CDH8: variants seen among roughly 807,000 people sequenced by gnomAD.
The protein encoded by CDH8 is cadherin-8.
CDH8 carries 17 observed loss-of-function variants against 68.1 expected under a neutral mutation model. That is an observed-to-expected ratio of 0.25 (90% CI 0.17 to 0.37). CDH8 has a LOEUF of 0.37. CDH8 is among the 10% of genes least tolerant of loss of function. The pLI, the probability that CDH8 is intolerant of heterozygous loss-of-function variation, is 1.00. For synonymous variants in CDH8, 372 were observed against 365.1 expected (o/e 1.02, Z -0.21); for missense variants, 763 against 999.3 (o/e 0.76, Z 3.19).
chr16:62,022,896 A>G (rs1290438069), intron 1 of CDH8, among the ~76,000 whole-genome samples: 1 of 152,140 alleles, frequency 6.6e-6, no homozygotes, highest in Non-Finnish European at 1.5e-5. Flanking sequence ...GCTCAGCTCA[A>G]TCACCGGGAC....
intron 8 of CDH8, among the ~76,000 whole-genome samples, chr16:61,768,439 T>TCTCTCTCTCC (rs1960692535): frequency 7.0e-6 from 1 of 142,938 alleles, no homozygotes; most frequent in African/African-American, 2.7e-5. Flanking sequence ...CCTCTCCCTC[T>TCTCTCTCTCC]CTCTCTCGCA....
chr16:61,861,361 T>C (rs1421022530), intron 3 of CDH8, among the ~76,000 whole-genome samples: 1 of 152,224 alleles, frequency 6.6e-6, no homozygotes. Context: ...TCTTTTTTCA[T>C]ACTCCATAGT....
At chr16:61,908,869 C>A (rs1336262957) in intron 2 of CDH8, among the ~76,000 whole-genome samples, 2 of 151,964 alleles carry the variant, frequency 1.3e-5, no homozygotes, top group Non-Finnish European at 2.9e-5. Flanking sequence ...TACGAATACC[C>A]CAAAATTTTA....
intron 2 of CDH8, among the ~76,000 whole-genome samples, chr16:61,932,022 ACGGTGAAAC>A (rs1964548860): frequency 6.6e-6 from 1 of 152,094 alleles, no homozygotes; most frequent in Non-Finnish European, 1.5e-5. Context: ...CCTGGCTAAC[ACGGTGAAAC>A]CCTGTCTGTA....
intron 10 of CDH8, among the ~76,000 whole-genome samples, chr16:61,687,632 C>A (rs1476844849): frequency 1.3e-5 from 2 of 152,026 alleles, no homozygotes; most frequent in Non-Finnish European, 2.9e-5. Flanking sequence ...TTATCCTAAT[C>A]TGCTATAAGA....
At chr16:61,977,843 A>T (rs1965465440) in intron 2 of CDH8, among the ~76,000 whole-genome samples, 1 of 152,120 alleles carries the variant, frequency 6.6e-6, no homozygotes, top group African/African-American at 2.4e-5. Context: ...CTTCACAACC[A>T]CGAAACACAG....
intron 2 of CDH8, among the ~76,000 whole-genome samples, chr16:62,011,388 G>T (rs1162741378): frequency 1.3e-5 from 2 of 152,172 alleles, no homozygotes; most frequent in African/African-American, 4.8e-5. Flanking sequence ...AATGTGGAAG[G>T]AGTCCCATCA....
At chr16:61,688,799 T>C (rs1315433888) in intron 10 of CDH8, among the ~76,000 whole-genome samples, 1 of 151,996 alleles carries the variant, frequency 6.6e-6, no homozygotes, top group African/African-American at 2.4e-5. Context: ...ATAGGTCAAC[T>C]ACAACATCAG....
At position 61,864,762 on chromosome 16, in the gene CDH8, C is replaced by T. The variant is rs570317233; in HGVS notation, c.548-7524G>A. 3.3e-5 allele frequency among the ~76,000 whole-genome samples: 5 copies of T among 152,234 alleles called. No homozygotes were observed. In the East Asian group the frequency reaches 5.8e-4, roughly 18 times the overall value. ...TAAATACTGAATTATTACCATCTGA[C>T]CATTCAACTACAAGCAAGAAGACAG... On this transcript the variant is annotated intron_variant, in intron 3 of 11. Coordinates refer to ENST00000577390, the MANE Select transcript of CDH8 (RefSeq NM_001796.5).
rs745535803 is a variant in CDH8, at chr16:61,653,848, A to G, written c.2160T>C (p.Asp720=). ...GCCTTACATTTATAAATTCATCGAC[A>G]TCAACACCATTTGGAACTGGAGCAA... is the stretch of plus-strand genomic sequence containing the variant. ...QGLAPVPNGV[D]VDEFINVRLH... The change falls in exon 12 of 12, where the codon GAT becomes GAC. Residue 720 remains aspartate (D), a synonymous_variant. Coordinates refer to ENST00000577390, the MANE Select transcript of CDH8 (RefSeq NM_001796.5). 1.3e-5 allele frequency: 21 copies of G among 1,614,202 alleles called. No individual in the cohort carries two copies. Among genetic ancestry groups the G allele is most frequent in the Non-Finnish European group, 1.2e-5 (14 of 1,180,046 alleles).
intron 8 of CDH8, among the ~76,000 whole-genome samples, chr16:61,774,149 G>A (rs1960848928): frequency 6.6e-6 from 1 of 152,016 alleles, no homozygotes; most frequent in Non-Finnish European, 1.5e-5. Flanking sequence ...GTTCAATACA[G>A]ATCAGACCAA....
At chr16:61,690,098 A>T (rs1458673990) in intron 10 of CDH8, among the ~76,000 whole-genome samples, 1 of 152,100 alleles carries the variant, frequency 6.6e-6, no homozygotes, top group East Asian at 1.9e-4. Flanking sequence ...TATGTTGAAT[A>T]GTGAGTCCTA....
At position 61,866,002 on chromosome 16, in the gene CDH8, A is replaced by C. The variant is rs567783494; in HGVS notation, c.548-8764T>G. Among the ~76,000 whole-genome samples, 7 of 152,204 alleles carry C rather than the reference A, an allele frequency of 4.6e-5. No individual in the cohort carries two copies. In the East Asian group the frequency reaches 1.4e-3, roughly 30 times the overall value. On this transcript the variant is annotated intron_variant, in intron 3 of 11. Transcript: ENST00000577390. Reference sequence around the variant, plus strand: ...GGAGGGTGAGGCAGGTGGATTATTTAAGCCTAGGAATTCAAGACTAGCCTG... The same window carrying C: ...GGAGGGTGAGGCAGGTGGATTATTTCAGCCTAGGAATTCAAGACTAGCCTG...
In CDH8 at chr16:61,976,208, A is replaced by T. The variant is rs111908225; in HGVS notation, c.252+44944T>A. ...AACACAGGCTTTTATTAGCTGTGCA[A>T]ATTTGGAGAGGTTGCTTAAACTCTC... On this transcript the variant is annotated intron_variant, in intron 2 of 11. Coordinates refer to ENST00000577390, the MANE Select transcript of CDH8 (RefSeq NM_001796.5). Among the ~76,000 whole-genome samples, 1,274 of 152,284 alleles carry T rather than the reference A, an allele frequency of 8.4e-3. 19 individuals carry two copies. The highest frequency in any genetic ancestry group is 0.028 in the African/African-American group (1,158 of 41,568).
intron 4 of CDH8, among the ~76,000 whole-genome samples, chr16:61,855,709 T>C (rs1056087284): frequency 6.6e-6 from 1 of 152,146 alleles, no homozygotes; most frequent in Non-Finnish European, 1.5e-5. Flanking sequence ...GTGCCATAGT[T>C]ATTACCTATT....
intron 3 of CDH8, among the ~76,000 whole-genome samples, chr16:61,887,825 T>C (rs1031298600): frequency 3.3e-5 from 5 of 152,118 alleles, no homozygotes; most frequent in Non-Finnish European, 7.3e-5. Context: ...CTTTATATAA[T>C]ATATAATGTA....
At chr16:61,709,575 G>A (rs1454509133) in intron 10 of CDH8, among the ~76,000 whole-genome samples, 1 of 152,076 alleles carries the variant, frequency 6.6e-6, no homozygotes, top group Non-Finnish European at 1.5e-5. Context: ...TATGTAAATG[G>A]TTCCCACAGA....
At chr16:61,955,790 C>G (rs1448554255) in intron 2 of CDH8, among the ~76,000 whole-genome samples, 1 of 152,102 alleles carries the variant, frequency 6.6e-6, no homozygotes, top group East Asian at 1.9e-4. Flanking sequence ...GATGCATCTT[C>G]TAGGGCTTCT....
At chr16:61,666,358 A>G (rs55966210) in intron 10 of CDH8, among the ~76,000 whole-genome samples, 3,561 of 152,094 alleles carry the variant, frequency 0.023, 139 homozygotes, top group African/African-American at 0.08. Flanking sequence ...TATTACTGTT[A>G]GTGTTTAAAT....
Sources: allele counts gnomAD v4.1 joint callset (sites outside exome capture counted in the v4.1 genomes callset), GRCh38; gene constraint gnomAD v4.1.1; transcripts MANE v1.5; gene names NCBI Gene and HGNC (gene_info 2026-07-23, HGNC 2026-07-21).